The following BACH2 variants were observed in gnomAD, a reference collection of about 807,000 sequenced individuals.
BACH2 encodes the protein transcription regulator protein BACH2.
In BACH2, 5 loss-of-function variants were observed where a neutral mutation model predicts 61.8. The observed-to-expected ratio is 0.08, with a 90% CI of 0.04 to 0.17. BACH2 has a LOEUF of 0.17. Among genes scored for constraint, BACH2 ranks in the 10% least tolerant of loss-of-function variants. BACH2 has a pLI of 1.00. For missense variants in BACH2, 824 were observed against 1,091.1 expected (o/e 0.76, Z 3.45); for synonymous variants, 446 against 440.1 (o/e 1.01, Z -0.17).
At chr6:90,276,486 G>A (rs1446420987) in intron 1 of BACH2, among the ~76,000 whole-genome samples, 1 of 152,192 alleles carries the variant, frequency 6.6e-6, no homozygotes, top group Admixed American at 6.5e-5. Context: ...GCAAATCCTA[G>A]AACTACATTT....
chr6:90,295,925 G>A (rs1772349728), intron 1 of BACH2, among the ~76,000 whole-genome samples: 5 of 152,242 alleles, frequency 3.3e-5, no homozygotes, highest in East Asian at 2.0e-4. Flanking sequence ...GCGGCTGACA[G>A]CTGAGCGCAA....
intron 4 of BACH2, among the ~76,000 whole-genome samples, chr6:90,169,030 T>G (rs1223179734): frequency 6.6e-6 from 1 of 152,212 alleles, no homozygotes; most frequent in Non-Finnish European, 1.5e-5. Context: ...TTTCCCTTAA[T>G]GATGGAAAGT....
At chr6:90,227,339 G>A (rs904510345) in intron 3 of BACH2, among the ~76,000 whole-genome samples, 3 of 152,208 alleles carry the variant, frequency 2.0e-5, no homozygotes, top group African/African-American at 7.2e-5. Flanking sequence ...ATCAGCAAAT[G>A]TGCACAAGCC....
rs149390865 is a variant in BACH2 at position 90,043,088 on chromosome 6, T to C, written c.-12-34232A>G. On this transcript the variant is annotated intron_variant, in intron 5 of 8. Transcript: ENST00000257749. ...GAGAATTTCAGCTTCTGCAATTACA[T>C]GAATGAGGGTGTCATTTACTGTAAG... 2.3e-4 allele frequency among the ~76,000 whole-genome samples: 35 copies of C among 152,290 alleles called. No homozygotes were observed. In the East Asian group the frequency reaches 4.1e-3, roughly 18 times the overall value.
chr6:90,086,555 A>G (rs1030524725), intron 5 of BACH2, among the ~76,000 whole-genome samples: 6 of 152,040 alleles, frequency 3.9e-5, no homozygotes, highest in Admixed American at 3.3e-4. Flanking sequence ...TTTTATAGGC[A>G]CCCTACTCAC....
intron 1 of BACH2, among the ~76,000 whole-genome samples, chr6:90,291,357 T>C (rs1439636717): frequency 1.3e-5 from 2 of 152,154 alleles, no homozygotes; most frequent in Non-Finnish European, 2.9e-5. Context: ...AGGATGAGGT[T>C]CAATTTATAC....
At chr6:90,023,144 G>A (rs1562376813) in intron 5 of BACH2, among the ~76,000 whole-genome samples, 2 of 152,180 alleles carry the variant, frequency 1.3e-5, no homozygotes, top group Non-Finnish European at 2.9e-5. Context: ...TTTCATGTAT[G>A]TCAAATTCAA....
intron 3 of BACH2, among the ~76,000 whole-genome samples, chr6:90,212,813 A>G (rs1170772147): frequency 6.6e-6 from 1 of 152,236 alleles, no homozygotes; most frequent in Non-Finnish European, 1.5e-5. Context: ...ACGCACACAA[A>G]TAGTCTGAGA....
chr6:90,018,179 A>T (rs142003080), intron 5 of BACH2, among the ~76,000 whole-genome samples: 210 of 152,236 alleles, frequency 1.4e-3, no homozygotes, highest in African/African-American at 5.0e-3. Context: ...CTGTCTCTCC[A>T]TCCTTGGGTA....
At chr6:89,936,352 G>A (rs1010186683) in intron 8 of BACH2, among the ~76,000 whole-genome samples, 10 of 152,154 alleles carry the variant, frequency 6.6e-5, no homozygotes, top group African/African-American at 2.4e-4. Context: ...ATATTGCCCA[G>A]GCTAGTCTCA....
chr6:90,039,746 A>T (rs372841896), intron 5 of BACH2, among the ~76,000 whole-genome samples: 2 of 152,228 alleles, frequency 1.3e-5, no homozygotes, highest in East Asian at 3.8e-4. Flanking sequence ...AAAACAAAAC[A>T]AAACAAAAAA....
In BACH2 at chr6:89,932,308, G is replaced by A; in HGVS notation, c.*100C>T. On this transcript the variant is annotated 3_prime_UTR_variant, in exon 9 of 9. Coordinates refer to ENST00000257749, the MANE Select transcript of BACH2 (RefSeq NM_021813.4). ...GACCGCTGTAGTGTGCACCAAATGT[G>A]TTCTCGGTTTCTTCGGGACAGCAGA... The A allele has an allele frequency of 6.9e-7, 1 of 1,459,804 alleles. No homozygotes were observed. The highest frequency in any genetic ancestry group is 1.3e-5 in the South Asian group (1 of 77,908). The allele number at this position is 1,459,804 out of a possible 1,614,324, so 90.4% of individuals were successfully genotyped here.
intron 4 of BACH2, among the ~76,000 whole-genome samples, chr6:90,161,031 T>C (rs1243273557): frequency 7.2e-6 from 1 of 139,394 alleles, no homozygotes; most frequent in African/African-American, 2.8e-5. Context: ...GAGCTTGCAG[T>C]GAGCCGAGAT....
intron 5 of BACH2, among the ~76,000 whole-genome samples, chr6:90,055,583 G>A (rs1382251412): frequency 6.7e-6 from 1 of 150,176 alleles, no homozygotes; most frequent in Non-Finnish European, 1.5e-5. Context: ...CCCCAATGTA[G>A]CAAGGCAGGC....
At chr6:90,237,191 G>A (rs1770288063) in intron 3 of BACH2, among the ~76,000 whole-genome samples, 1 of 152,196 alleles carries the variant, frequency 6.6e-6, no homozygotes, top group Non-Finnish European at 1.5e-5. Context: ...CCAAAGTGCT[G>A]GGATTACAGG....
chr6:90,241,952 A>C (rs1368306118), intron 3 of BACH2, among the ~76,000 whole-genome samples: 3 of 143,432 alleles, frequency 2.1e-5, no homozygotes, highest in Non-Finnish European at 3.1e-5. Flanking sequence ...TTTTTTTATT[A>C]GTAGACTATT....
At chr6:90,281,666 GTATA>G (rs1475774416) in intron 1 of BACH2, among the ~76,000 whole-genome samples, 1 of 152,116 alleles carries the variant, frequency 6.6e-6, no homozygotes, top group Non-Finnish European at 1.5e-5. Flanking sequence ...GAATCACACT[GTATA>G]TATTCTTCTA....
intron 6 of BACH2, among the ~76,000 whole-genome samples, chr6:89,971,288 C>T (rs1775344628): frequency 6.6e-6 from 1 of 152,200 alleles, no homozygotes; most frequent in African/African-American, 2.4e-5. Context: ...AAGGTAATGA[C>T]ACCAGGCATT....
chr6:90,187,232 A>G (rs1768391827), intron 4 of BACH2, among the ~76,000 whole-genome samples: 1 of 152,214 alleles, frequency 6.6e-6, no homozygotes, highest in African/African-American at 2.4e-5. Context: ...CGAATATTCT[A>G]TTGCACAACA....
Sources: gnomAD v4.1 joint callset for allele counts (sites outside exome capture counted in the v4.1 genomes callset) on GRCh38, gnomAD v4.1.1 for gene constraint, MANE v1.5 for transcripts, NCBI Gene and HGNC (gene_info 2026-07-23, HGNC 2026-07-21) for gene names.